Variants in ATP8A2 observed in about 807,000 individuals in gnomAD.
ATP8A2 encodes the protein phospholipid-transporting ATPase IB.
ATP8A2 carries 100 observed loss-of-function variants against 165.6 expected under a neutral mutation model. That is an observed-to-expected ratio of 0.60 (90% confidence interval 0.51 to 0.71). The LOEUF (loss-of-function observed/expected upper bound fraction) is 0.71, where lower values mean the gene tolerates loss of function less well. ATP8A2 is among the 30% of genes least tolerant of loss of function. The pLI, the probability that ATP8A2 is intolerant of heterozygous loss-of-function variation, is 0.00. For missense variants in ATP8A2, 1,227 were observed against 1,479.5 expected (o/e 0.83, Z 2.80); for synonymous variants, 543 against 548.8 (o/e 0.99, Z 0.15).
chr13:25,939,228 A>G (rs1197604329), intron 33 of ATP8A2, among the ~76,000 whole-genome samples: 2 of 151,684 alleles, frequency 1.3e-5, no homozygotes, highest in Non-Finnish European at 2.9e-5. Flanking sequence ...CCTCCATACC[A>G]CAGTTTGTCC....
chr13:25,482,999 G>A (rs1040965599), intron 2 of ATP8A2, among the ~76,000 whole-genome samples: 1 of 152,208 alleles, frequency 6.6e-6, no homozygotes, highest in Non-Finnish European at 1.5e-5. Flanking sequence ...GCTGTGAAAG[G>A]CCAGGCTACT....
chr13:25,769,199 C>T lies in ATP8A2; in HGVS notation c.2538C>T (p.Ala846=). 2 of 1,613,384 alleles carry T rather than the reference C, an allele frequency of 1.2e-6. No individual in the cohort carries two copies. The highest frequency in any genetic ancestry group is 1.7e-6 in the Non-Finnish European group (2 of 1,179,358). Residue 846 remains alanine, a synonymous_variant, in exon 26 of 37, where the codon GCC becomes GCT. Coordinates refer to ENST00000381655, the MANE Select transcript of ATP8A2 (RefSeq NM_016529.6). ...VGISGNEGMQ[A]TNNSDYAIAQ... ...TCAGTGGGAATGAAGGCATGCAGGCCACCAACAACTCGGATTACGCCATCG... is the reference window on the plus strand; with the variant it reads ...TCAGTGGGAATGAAGGCATGCAGGCTACCAACAACTCGGATTACGCCATCG...
At chr13:25,985,541 G>T (rs112123638) in intron 35 of ATP8A2, among the ~76,000 whole-genome samples, 1 of 152,298 alleles carries the variant, frequency 6.6e-6, no homozygotes, top group Non-Finnish European at 1.5e-5. Flanking sequence ...ACGTCCCGCT[G>T]GGGGGCAGTC....
chr13:25,397,392 G>A (rs1401820321), intron 1 of ATP8A2, among the ~76,000 whole-genome samples: 4 of 152,074 alleles, frequency 2.6e-5, no homozygotes, highest in East Asian at 1.9e-4. Flanking sequence ...ATCCTGTGAC[G>A]CTCAGGTCCC....
chr13:25,700,955 A>G (rs1274129807), intron 25 of ATP8A2, among the ~76,000 whole-genome samples: 1 of 152,012 alleles, frequency 6.6e-6, no homozygotes, highest in Admixed American at 6.6e-5. Flanking sequence ...AATGATGTTG[A>G]TCGTTTTTTC....
At chr13:25,655,629 A>G (rs536951177) in intron 24 of ATP8A2, among the ~76,000 whole-genome samples, 73 of 152,188 alleles carry the variant, frequency 4.8e-4, no homozygotes, top group African/African-American at 1.6e-3. Context: ...TCGAGCAGCT[A>G]TCTGATGCCT....
rs367848447 is a variant in ATP8A2, at chr13:25,748,466, A to T, written c.2385-20580A>T. Among the ~76,000 whole-genome samples the T allele has an allele frequency of 2.0e-3, 301 of 152,282 alleles. 1 individual carries two copies. The highest frequency in any genetic ancestry group is 6.4e-3 in the African/African-American group (268 of 41,564). ...ATGTTATGACATTTAAGGGGAAAAAATTTTATAAGCATTAATCAATGTAAG... is the reference window on the plus strand; with the variant it reads ...ATGTTATGACATTTAAGGGGAAAAATTTTTATAAGCATTAATCAATGTAAG... On this transcript the variant is annotated intron_variant, in intron 25 of 36. Transcript: ENST00000381655.
At chr13:26,013,871 C>T (rs1359370374) in intron 36 of ATP8A2, among the ~76,000 whole-genome samples, 1 of 152,168 alleles carries the variant, frequency 6.6e-6, no homozygotes, top group African/African-American at 2.4e-5. Context: ...CCTGTCCTCA[C>T]TTTCCCATGT....
At chr13:25,707,671 A>G (rs2043081248) in intron 25 of ATP8A2, among the ~76,000 whole-genome samples, 1 of 152,252 alleles carries the variant, frequency 6.6e-6, no homozygotes, top group Non-Finnish European at 1.5e-5. Context: ...GGATTGATCT[A>G]TAATAATATG....
At chr13:25,622,914 G>T (rs1172174795) in intron 24 of ATP8A2, among the ~76,000 whole-genome samples, 9 of 152,178 alleles carry the variant, frequency 5.9e-5, no homozygotes. Flanking sequence ...ATTAGTTAAA[G>T]TGAAAAATTG....
intron 16 of ATP8A2, among the ~76,000 whole-genome samples, chr13:25,564,690 T>C (rs1220908236): frequency 1.3e-5 from 2 of 152,194 alleles, no homozygotes; most frequent in African/African-American, 4.8e-5. Context: ...TTGTTATTTA[T>C]TTATTTTTAA....
At chr13:25,395,253 C>A (rs1172239291) in intron 1 of ATP8A2, among the ~76,000 whole-genome samples, 2 of 152,092 alleles carry the variant, frequency 1.3e-5, no homozygotes, top group Non-Finnish European at 2.9e-5. Flanking sequence ...GCTGGTCCAT[C>A]TGCAATGTGT....
At chr13:25,975,581 C>T (rs1009877160) in intron 35 of ATP8A2, among the ~76,000 whole-genome samples, 25 of 125,334 alleles carry the variant, frequency 2.0e-4, no homozygotes, top group Non-Finnish European at 1.8e-4. Context: ...GACTCCATCT[C>T]GAAAAAAAAA....
chr13:25,993,006 A>G (rs1290606693), intron 35 of ATP8A2, among the ~76,000 whole-genome samples: 4 of 150,092 alleles, frequency 2.7e-5, no homozygotes, highest in Admixed American at 6.6e-5. Context: ...TGTCCCTACA[A>G]AGGACATGAA....
At chr13:25,391,433 G>A (rs11839715) in intron 1 of ATP8A2, among the ~76,000 whole-genome samples, 4,225 of 152,154 alleles carry the variant, frequency 0.028, 197 homozygotes, top group African/African-American at 0.096. Context: ...GGTCACCAAC[G>A]TGCCAGGCAC....
intron 16 of ATP8A2, chr13:25,567,030 C>A: frequency 3.9e-6 from 1 of 256,622 alleles, no homozygotes; most frequent in Non-Finnish European, 7.8e-6. Flanking sequence ...AGGTGGGATG[C>A]CATAGAAACC....
At chr13:25,443,328 C>A (rs1356547031) in intron 1 of ATP8A2, among the ~76,000 whole-genome samples, 1 of 152,124 alleles carries the variant, frequency 6.6e-6, no homozygotes, top group Non-Finnish European at 1.5e-5. Flanking sequence ...GAAGTATTGC[C>A]ATCTCCTTGA....
chr13:25,763,277 C>G (rs2044421705), intron 25 of ATP8A2, among the ~76,000 whole-genome samples: 1 of 152,154 alleles, frequency 6.6e-6, no homozygotes, highest in Non-Finnish European at 1.5e-5. Flanking sequence ...TTAGACCCAA[C>G]CCGTGTGAGG....
chr13:25,676,197 A>G (rs1443017964), intron 24 of ATP8A2, among the ~76,000 whole-genome samples: 4 of 152,240 alleles, frequency 2.6e-5, no homozygotes, highest in African/African-American at 7.2e-5. Context: ...ATTTCAAATT[A>G]GAGAATATGT....
Sources: allele counts gnomAD v4.1 joint callset (sites outside exome capture counted in the v4.1 genomes callset), GRCh38; gene constraint gnomAD v4.1.1; transcripts MANE v1.5; gene names NCBI Gene and HGNC (gene_info 2026-07-23, HGNC 2026-07-21).